The following PDZD2 variants were observed in gnomAD, a reference collection of about 807,000 sequenced individuals.
PDZD2 encodes PDZ domain containing 2, also known as PDZ domain-containing protein 2.
A neutral mutation model predicts 220.7 loss-of-function variants in PDZD2; 90 were observed. The ratio of observed to expected loss-of-function variants is 0.41; its 90% CI spans 0.34 to 0.49. The LOEUF (loss-of-function observed/expected upper bound fraction) is 0.49, where lower values mean the gene tolerates loss of function less well. Among genes scored for constraint, PDZD2 ranks in the 20% least tolerant of loss-of-function variants. The pLI, the probability that PDZD2 is intolerant of heterozygous loss-of-function variation, is 0.28. For synonymous variants in PDZD2, 1,375 were observed against 1,450.5 expected, an observed-to-expected ratio of 0.95 and a Z score of 1.18; for missense variants, 3,174 against 3,608.5, an observed-to-expected ratio of 0.88 and a Z score of 3.08.
At chr5:31,722,905 C>T (rs896635825) in intron 1 of PDZD2, among the ~76,000 whole-genome samples, 2 of 152,088 alleles carry the variant, frequency 1.3e-5, no homozygotes, top group African/African-American at 4.8e-5. Context: ...CCAGGCTGGT[C>T]GTGAACTCCT....
At chr5:32,041,412 CGTG>C (rs1335004666) in intron 7 of PDZD2, among the ~76,000 whole-genome samples, 1 of 149,902 alleles carries the variant, frequency 6.7e-6, no homozygotes, top group Non-Finnish European at 1.5e-5. Context: ...AAGGGGGAAA[CGTG>C]GGGAAAAGAG....
intron 6 of PDZD2, among the ~76,000 whole-genome samples, chr5:32,023,789 C>T (rs1375684223): frequency 6.6e-6 from 1 of 152,158 alleles, no homozygotes. Flanking sequence ...GACCGTAGCC[C>T]CCCTTATCCA....
At position 32,088,889 on chromosome 5, in the gene PDZD2, TGAG is replaced by T; in HGVS notation, c.5445_5447del (p.Arg1815del). The T allele has an allele frequency of 2.5e-6, 4 of 1,613,966 alleles. No homozygotes were observed. Among genetic ancestry groups the T allele is most frequent in the Non-Finnish European group, 3.4e-6 (4 of 1,179,974 alleles). ...AATAAACATAACCAAGGCACACATTTGAGGAGCAAAACCGAGAAGGAACAACCT... is the reference window on the plus strand; with the variant it reads ...AATAAACATAACCAAGGCACACATTTGAGCAAAACCGAGAAGGAACAACCT... On this transcript the variant is annotated inframe_deletion, in exon 20 of 25. Transcript: ENST00000438447. The surrounding 1 kb of genome is among the most constrained non-coding windows in gnomAD (Gnocchi z 4.6).
intron 2 of PDZD2, among the ~76,000 whole-genome samples, chr5:31,931,197 A>AT (rs1190752971): frequency 6.6e-6 from 1 of 152,008 alleles, no homozygotes; most frequent in African/African-American, 2.4e-5. Context: ...TAATTTTTGT[A>AT]TTTTTAGTAG....
intron 19 of PDZD2, among the ~76,000 whole-genome samples, chr5:32,081,223 C>A (rs1741923058): frequency 6.6e-6 from 1 of 152,130 alleles, no homozygotes; most frequent in Non-Finnish European, 1.5e-5. Flanking sequence ...TGTACTGACC[C>A]CGGTGGGTGC....
chr5:31,799,711 G>T lies in PDZD2; in HGVS notation c.463G>T (p.Val155Phe), dbSNP rs1365023315. 4 of 1,612,100 alleles carry T rather than the reference G, an allele frequency of 2.5e-6. No homozygotes were observed. Among genetic ancestry groups the T allele is most frequent in the Non-Finnish European group, 3.4e-6 (4 of 1,178,460 alleles). ...TGGGCAGCTGATGGTTGGAGTTGAT[G>T]TCAGTGGGGCCAGGTAAGTAGGGGG... is the stretch of plus-strand genomic sequence containing the variant. ...LNGQLMVGVD[V>F]SGASYLAEQC... The change falls in exon 2 of 25, where the codon GTC (valine) becomes TTC (phenylalanine). Residue 155 changes from valine to phenylalanine, a missense_variant. Val to Phe is a conservative substitution (Grantham distance 50, BLOSUM62 -1). This residue lies in a region of PDZD2 where 632 missense variants were observed against 708.1 expected (regional missense o/e 0.89). Coordinates refer to ENST00000438447, the MANE Select transcript of PDZD2 (RefSeq NM_178140.4).
chr5:31,799,580 G>C lies in PDZD2; in HGVS notation c.332G>C (p.Gly111Ala). The C allele has an allele frequency of 6.2e-7, 1 of 1,614,164 alleles. No homozygotes were observed. Among genetic ancestry groups the C allele is most frequent in the South Asian group, 1.1e-5 (1 of 91,074 alleles). ...RGGKKRKTHQ[G>A]PVLDVGCIWV... ...GGCAAGAAGAGGAAAACCCACCAGG[G>C]TCCTGTGCTGGATGTGGGCTGCATC... The change falls in exon 2 of 25, where the codon GGT (glycine) becomes GCT (alanine). Residue 111 changes from glycine (G) to alanine (A), a missense_variant. Gly to Ala is a moderately conservative substitution (Grantham distance 60). Transcript: ENST00000438447.
chr5:31,649,513 T>C (rs1580514918), intron 1 of PDZD2, among the ~76,000 whole-genome samples: 1 of 152,014 alleles, frequency 6.6e-6, no homozygotes, highest in Non-Finnish European at 1.5e-5. Context: ...GATTTATTCA[T>C]TTATTATCTG....
chr5:32,058,416 C>G (rs562353004), intron 12 of PDZD2, among the ~76,000 whole-genome samples: 94 of 150,216 alleles, frequency 6.3e-4, no homozygotes, highest in African/African-American at 2.1e-3. Flanking sequence ...TGTCTGTAAT[C>G]CTAGCACTTT....
intron 11 of PDZD2, 56 bp from the exon 12 acceptor site, chr5:32,057,822 T>G: frequency 7.3e-7 from 1 of 1,364,790 alleles, no homozygotes; most frequent in Non-Finnish European, 1.0e-6. Flanking sequence ...TTTTTAACCC[T>G]TTGATATAAG....
intron 2 of PDZD2, among the ~76,000 whole-genome samples, chr5:31,841,173 T>C (rs4867387): frequency 0.15 from 22,665 of 151,286 alleles, 2,057 homozygotes; most frequent in East Asian, 0.37. Context: ...TAATATCTGG[T>C]CTATTTTGTC....
rs758759002 is a variant in PDZD2, at chr5:32,077,496, G to A, written c.3572G>A (p.Cys1191Tyr). The A allele has an allele frequency of 2.4e-5, 39 of 1,613,956 alleles. No individual in the cohort carries two copies. In the South Asian group the frequency reaches 3.8e-4, roughly 16 times the overall value. Residue 1191 changes from cysteine to tyrosine, a missense_variant, in exon 19 of 25, where the codon TGT (cysteine) becomes TAT (tyrosine). Around this residue, in one of 4 missense-constraint regions of PDZD2, gnomAD observed 1,861 missense variants for 2,001.0 expected, o/e 0.93. Transcript: ENST00000438447. ...GGAAAGCTGACCACTGGAGATGCTT[G>A]TGTCTCTACCAGCTGTGAACTAGCC... ...SLGKLTTGDACVSTSCELASA... is the reference protein window; with the variant it reads ...SLGKLTTGDAYVSTSCELASA...
chr5:32,027,579 C>G (rs1050194614), intron 6 of PDZD2, among the ~76,000 whole-genome samples: 1 of 152,174 alleles, frequency 6.6e-6, no homozygotes, highest in South Asian at 2.1e-4. Flanking sequence ...AACCTCTGAT[C>G]TATGCACACA....
chr5:32,075,924 AT>A (rs1422613788), intron 18 of PDZD2, among the ~76,000 whole-genome samples: 1 of 152,158 alleles, frequency 6.6e-6, no homozygotes, highest in Non-Finnish European at 1.5e-5. Flanking sequence ...CTCAAATATC[AT>A]ATTTTACCTC....
At chr5:31,804,089 G>A (rs1419163183) in intron 2 of PDZD2, among the ~76,000 whole-genome samples, 3 of 151,702 alleles carry the variant, frequency 2.0e-5, no homozygotes, top group Non-Finnish European at 4.4e-5. Flanking sequence ...TAATGAAAAC[G>A]CTGGGCTTCT....
In PDZD2 at chr5:31,892,441, C is replaced by T. The variant is rs192359695; in HGVS notation, c.477-90714C>T. On this transcript the variant is annotated intron_variant, in intron 2 of 24. Transcript: ENST00000438447. ...GCACCTCTGAGAGTGAAGGAGAGCA[C>T]TGATAATTAGGCTGGGATAACCAGT... Among the ~76,000 whole-genome samples the T allele has an allele frequency of 2.0e-4, 31 of 152,308 alleles. No individual in the cohort carries two copies. In the East Asian group the frequency reaches 5.6e-3, roughly 27 times the overall value.
In PDZD2 at chr5:32,074,028, A is replaced by G. The variant is rs771563971; in HGVS notation, c.2922A>G (p.Glu974=). Residue 974 remains glutamate, a synonymous_variant, in exon 18 of 25, where the codon GAA becomes GAG. Transcript: ENST00000438447. The part of the protein sequence containing the change: ...CYDANDASDE[E]EFDREGDCIS... ...ATGCCAACGATGCCAGTGATGAGGA[A>G]GAGTTTGACAGAGAAGGGGACTGCA... 1.2e-6 allele frequency: 2 copies of G among 1,613,996 alleles called. No individual in the cohort carries two copies. Among genetic ancestry groups the G allele is most frequent in the Admixed American group, 3.3e-5 (2 of 60,030 alleles).
At chr5:32,007,680 A>G (rs971194202) in intron 5 of PDZD2, among the ~76,000 whole-genome samples, 2 of 152,136 alleles carry the variant, frequency 1.3e-5, no homozygotes, top group African/African-American at 4.8e-5. Context: ...CCCTCACGCA[A>G]TGTGATTAAA....
chr5:31,948,879 G>T (rs992711371), intron 2 of PDZD2, among the ~76,000 whole-genome samples: 1 of 151,828 alleles, frequency 6.6e-6, no homozygotes, highest in East Asian at 1.9e-4. Flanking sequence ...AGGGTGGATC[G>T]CCTGAGGTTA....
Sources: allele counts gnomAD v4.1 joint callset (sites outside exome capture counted in the v4.1 genomes callset), GRCh38; gene constraint gnomAD v4.1.1; regional missense constraint gnomAD v4.1.1; non-coding constraint Gnocchi (gnomAD v3.1); transcripts MANE v1.5; gene names NCBI Gene and HGNC (gene_info 2026-07-23, HGNC 2026-07-21).